NFIL3: variants seen among roughly 807,000 people sequenced by gnomAD.
NFIL3 encodes nuclear factor interleukin-3-regulated protein.
NFIL3 carries 5 observed loss-of-function variants against 10.0 expected under a neutral mutation model. The ratio of observed to expected loss-of-function variants is 0.50; its 90% CI spans 0.26 to 1.06. NFIL3 has a LOEUF of 1.06. Among genes scored for constraint, NFIL3 ranks in the 50% least tolerant of loss-of-function variants. The pLI is 0.13. For synonymous variants in NFIL3, 202 were observed against 206.5 expected (o/e 0.98, Z 0.19); for missense variants, 436 against 547.6 (o/e 0.80, Z 2.03).
the NFIL3 span, among the ~76,000 whole-genome samples, chr9:91,449,180 C>A: frequency 6.6e-6 from 1 of 151,808 alleles, no homozygotes; most frequent in African/African-American, 2.4e-5. Flanking sequence ...ATTTTACCTG[C>A]TCCTTTTCGT....
chr9:91,468,603 G>C, the NFIL3 span, among the ~76,000 whole-genome samples: 1 of 152,130 alleles, frequency 6.6e-6, no homozygotes, highest in South Asian at 2.1e-4. Context: ...TAGTCATGAA[G>C]TCCTTGCCCA....
the NFIL3 span, among the ~76,000 whole-genome samples, chr9:91,459,076 T>C: frequency 6.6e-6 from 1 of 152,220 alleles, no homozygotes; most frequent in African/African-American, 2.4e-5. Context: ...AGTTCCACCC[T>C]GTCCCTCTAG....
At chr9:91,438,852 T>G in the NFIL3 span, among the ~76,000 whole-genome samples, 2 of 152,220 alleles carry the variant, frequency 1.3e-5, no homozygotes, top group Non-Finnish European at 2.9e-5. Flanking sequence ...CACCCTATTC[T>G]GTTTCACTGG....
chr9:91,425,147 C>T (rs1215960461), upstream of NFIL3, among the ~76,000 whole-genome samples: 1 of 152,150 alleles, frequency 6.6e-6, no homozygotes, highest in Non-Finnish European at 1.5e-5. Context: ...CCTTGAACTA[C>T]GTGGGGGCTG....
the NFIL3 span, among the ~76,000 whole-genome samples, chr9:91,431,877 T>G: frequency 1.1e-3 from 173 of 152,298 alleles, no homozygotes; most frequent in Admixed American, 2.0e-3. Context: ...CCAGTGTGTC[T>G]CCTTCCTGGA....
the NFIL3 span, among the ~76,000 whole-genome samples, chr9:91,466,696 T>C: frequency 6.6e-6 from 1 of 152,164 alleles, no homozygotes; most frequent in Non-Finnish European, 1.5e-5. Context: ...ATACGCAGGA[T>C]AGTTCTATCA....
chr9:91,424,299 A>C (rs1340227457), upstream of NFIL3, among the ~76,000 whole-genome samples: 1 of 152,082 alleles, frequency 6.6e-6, no homozygotes, highest in African/African-American at 2.4e-5. Flanking sequence ...TGAGAGCCGC[A>C]GCCTGCTGGG....
chr9:91,418,819 T>C (rs1564158158), intron 1 of NFIL3, among the ~76,000 whole-genome samples: 1 of 150,612 alleles, frequency 6.6e-6, no homozygotes, highest in Non-Finnish European at 1.5e-5. Flanking sequence ...AAGTTTATGC[T>C]CTATTATTAA....
At chr9:91,431,062 T>C in the NFIL3 span, among the ~76,000 whole-genome samples, 1 of 152,150 alleles carries the variant, frequency 6.6e-6, no homozygotes, top group Non-Finnish European at 1.5e-5. Context: ...GGCAGAGAGC[T>C]TGATGGAAAC....
At chr9:91,461,564 G>A in the NFIL3 span, among the ~76,000 whole-genome samples, 1 of 152,150 alleles carries the variant, frequency 6.6e-6, no homozygotes, top group Admixed American at 6.5e-5. Context: ...GAGGCTCTTG[G>A]GAAGACCTTG....
At chr9:91,478,320 C>T in the NFIL3 span, among the ~76,000 whole-genome samples, 5 of 152,010 alleles carry the variant, frequency 3.3e-5, no homozygotes, top group Non-Finnish European at 7.4e-5. Context: ...TCACATAGTC[C>T]CATATTTCTT....
At chr9:91,453,166 C>A in the NFIL3 span, among the ~76,000 whole-genome samples, 1 of 152,066 alleles carries the variant, frequency 6.6e-6, no homozygotes, top group African/African-American at 2.4e-5. Context: ...TGGTCATCTT[C>A]TTCCTGTGGC....
Position 91,411,305 on chromosome 9 carries a change from C to T in NFIL3, c.-172-399G>A, listed in dbSNP as rs142836584. 4.3e-3 allele frequency among the ~76,000 whole-genome samples: 657 copies of T among 152,220 alleles called. 5 individuals carry two copies. Among genetic ancestry groups the T allele is most frequent in the Non-Finnish European group, 7.3e-3 (498 of 68,028 alleles). On this transcript the variant is annotated intron_variant, in intron 1 of 1. Coordinates refer to ENST00000297689, the MANE Select transcript of NFIL3 (RefSeq NM_005384.3). ...TAAGTTTCTAAACAGTACATGCATA[C>T]CGTGGTGCTTCTAAATAATGTTACC...
the NFIL3 span, among the ~76,000 whole-genome samples, chr9:91,469,804 T>C: frequency 2.0e-5 from 3 of 152,182 alleles, no homozygotes; most frequent in South Asian, 6.2e-4. Context: ...GGTTTTTGTC[T>C]TTGGTTCTGT....
chr9:91,465,167 C>A, the NFIL3 span, among the ~76,000 whole-genome samples: 1 of 152,068 alleles, frequency 6.6e-6, no homozygotes, highest in South Asian at 2.1e-4. Flanking sequence ...ACCATTATTA[C>A]TTCAAATATT....
chr9:91,434,700 T>C, the NFIL3 span, among the ~76,000 whole-genome samples: 2,024 of 152,292 alleles, frequency 0.013, 46 homozygotes, highest in East Asian at 0.077. Context: ...AGCACTCTTA[T>C]AAATTTACAA....
chr9:91,413,807 T>C (rs1161559446), intron 1 of NFIL3, among the ~76,000 whole-genome samples: 1 of 152,198 alleles, frequency 6.6e-6, no homozygotes, highest in Admixed American at 6.5e-5. Flanking sequence ...TTTCCACTTT[T>C]AGTTTTTAAA....
At chr9:91,472,589 C>G in the NFIL3 span, among the ~76,000 whole-genome samples, 1 of 152,122 alleles carries the variant, frequency 6.6e-6, no homozygotes, top group East Asian at 1.9e-4. Flanking sequence ...GCTGTTTATT[C>G]TAGTTAGCCA....
the NFIL3 span, among the ~76,000 whole-genome samples, chr9:91,442,532 G>A: frequency 1.1e-4 from 17 of 152,256 alleles, no homozygotes; most frequent in Admixed American, 8.5e-4. Context: ...CCTGCCAAGG[G>A]CGAGCCAGGC....
Sources: allele counts gnomAD v4.1 joint callset (sites outside exome capture counted in the v4.1 genomes callset), GRCh38; gene constraint gnomAD v4.1.1; transcripts MANE v1.5; gene names NCBI Gene and HGNC (gene_info 2026-07-23, HGNC 2026-07-21).